The following NRG1 variants were observed in gnomAD, a reference collection of about 807,000 sequenced individuals.
NRG1 encodes the protein neuregulin 1, also known as pro-neuregulin-1, membrane-bound isoform.
In NRG1, 18 loss-of-function variants were observed where a neutral mutation model predicts 63.8. That is an observed-to-expected ratio of 0.28 (90% confidence interval 0.19 to 0.42). NRG1 has a LOEUF of 0.42. NRG1 is among the 10% of genes least tolerant of loss of function. NRG1 has a pLI of 1.00. For missense variants in NRG1, 762 were observed against 814.7 expected (o/e 0.94, Z 0.79); for synonymous variants, 302 against 301.3 (o/e 1.00, Z -0.02).
intron 1 of NRG1, among the ~76,000 whole-genome samples, chr8:32,362,310 C>A (rs983600471): frequency 1.3e-5 from 2 of 152,130 alleles, no homozygotes; most frequent in Non-Finnish European, 2.9e-5. Flanking sequence ...ATACTAAATA[C>A]CACCTAGTAA....
chr8:32,575,355 A>T (rs1000962377), intron 1 of NRG1, among the ~76,000 whole-genome samples: 2 of 151,218 alleles, frequency 1.3e-5, no homozygotes, highest in Non-Finnish European at 2.9e-5. Context: ...GTTGCTTTAT[A>T]GTTGACTAAT....
At chr8:32,412,046 AG>A (rs1815039195) in intron 1 of NRG1, among the ~76,000 whole-genome samples, 1 of 152,106 alleles carries the variant, frequency 6.6e-6, no homozygotes, top group Non-Finnish European at 1.5e-5. Flanking sequence ...TGGTAGATTG[AG>A]AAAAGCAGAT....
intron 1 of NRG1, among the ~76,000 whole-genome samples, chr8:32,401,032 A>G (rs1047414383): frequency 2.6e-5 from 4 of 152,212 alleles, no homozygotes; most frequent in Non-Finnish European, 5.9e-5. Context: ...TAAGCGGACT[A>G]ACACAGGAAC....
At chr8:31,851,612 TTTA>T (rs1396320395) in intron 1 of NRG1, among the ~76,000 whole-genome samples, 2 of 152,028 alleles carry the variant, frequency 1.3e-5, no homozygotes, top group African/African-American at 4.8e-5. Flanking sequence ...AATTAATTAA[TTTA>T]TTATTATTAT....
chr8:32,356,027 G>C, intron 1 of NRG1, among the ~76,000 whole-genome samples: 1 of 152,114 alleles, frequency 6.6e-6, no homozygotes, highest in African/African-American at 2.4e-5. Context: ...TTGGGGTTTT[G>C]AAAGTAGACC....
intron 1 of NRG1, among the ~76,000 whole-genome samples, chr8:31,925,318 A>G (rs1378814818): frequency 6.6e-6 from 1 of 151,252 alleles, no homozygotes; most frequent in Non-Finnish European, 1.5e-5. Context: ...TGGTGTAATG[A>G]CCCTTTTATC....
intron 1 of NRG1, among the ~76,000 whole-genome samples, chr8:32,284,561 C>T (rs1209391510): frequency 3.5e-5 from 5 of 142,790 alleles, no homozygotes; most frequent in African/African-American, 7.8e-5. Flanking sequence ...CACAGAATCT[C>T]GCTCTGTCAC....
At chr8:31,741,172 A>G (rs903945153) in intron 1 of NRG1, among the ~76,000 whole-genome samples, 3 of 152,036 alleles carry the variant, frequency 2.0e-5, no homozygotes, top group Admixed American at 2.0e-4. Context: ...AACACTGGCT[A>G]TTCATGGACA....
chr8:32,340,714 A>G (rs1803965609), intron 1 of NRG1, among the ~76,000 whole-genome samples: 1 of 152,292 alleles, frequency 6.6e-6, no homozygotes, highest in South Asian at 2.1e-4. Context: ...AGAACTTTCA[A>G]GGTCACTCAC....
rs561686024 is a variant in NRG1 at position 32,197,978 on chromosome 8, G to A, written c.38-397850G>A. On this transcript the variant is annotated intron_variant, in intron 1 of 10. Coordinates refer to the NRG1 transcript ENST00000519301. ...CATGTGCACACACACGCATGCACGCGCACACACACACACACACACCATCCA... is the reference window on the plus strand; with the variant it reads ...CATGTGCACACACACGCATGCACGCACACACACACACACACACACCATCCA... Among the ~76,000 whole-genome samples the A allele has an allele frequency of 1.0e-3, 157 of 151,316 alleles. 2 individuals are homozygous for A. Among genetic ancestry groups the A allele is most frequent in the East Asian group, 7.4e-3 (38 of 5,112 alleles).
intron 1 of NRG1, among the ~76,000 whole-genome samples, chr8:32,485,573 A>G (rs1202498555): frequency 6.6e-6 from 1 of 152,218 alleles, no homozygotes; most frequent in East Asian, 1.9e-4. Context: ...GTAGCTGCAA[A>G]GCAGACACTC....
At chr8:32,337,673 A>AAAAAAAAAAAAAAAAAAAAAC (rs1803475935) in intron 1 of NRG1, among the ~76,000 whole-genome samples, 1 of 131,552 alleles carries the variant, frequency 7.6e-6, no homozygotes, top group Non-Finnish European at 1.7e-5. Flanking sequence ...AAAAAAAAAA[A>AAAAAAAAAAAAAAAAAAAAAC]AAAAAAAAAG....
chr8:32,520,979 A>C (rs1350968150), intron 1 of NRG1, among the ~76,000 whole-genome samples: 1 of 152,214 alleles, frequency 6.6e-6, no homozygotes, highest in African/African-American at 2.4e-5. Flanking sequence ...CCCTTCATGT[A>C]ATCATAGCCC....
At chr8:31,973,228 G>C (rs1807593967) in intron 1 of NRG1, among the ~76,000 whole-genome samples, 1 of 152,142 alleles carries the variant, frequency 6.6e-6, no homozygotes, top group Non-Finnish European at 1.5e-5. Flanking sequence ...CAAGCATACT[G>C]TGGATATACA....
intron 1 of NRG1, among the ~76,000 whole-genome samples, chr8:31,927,662 A>T (rs1395284329): frequency 6.7e-6 from 1 of 148,504 alleles, no homozygotes; most frequent in South Asian, 2.1e-4. Flanking sequence ...TTTAGCCGGG[A>T]TGGTCTCGAT....
intron 1 of NRG1, among the ~76,000 whole-genome samples, chr8:32,497,201 C>T (rs1021055570): frequency 1.3e-5 from 2 of 152,056 alleles, no homozygotes; most frequent in Non-Finnish European, 2.9e-5. Flanking sequence ...AATCCCAGAA[C>T]TTTGGGAGGC....
chr8:32,202,347 A>G (rs1296200059), intron 1 of NRG1, among the ~76,000 whole-genome samples: 1 of 152,152 alleles, frequency 6.6e-6, no homozygotes, highest in African/African-American at 2.4e-5. Flanking sequence ...ATTTGGCCTC[A>G]GTGCTCAAAC....
intron 1 of NRG1, among the ~76,000 whole-genome samples, chr8:31,683,515 G>A (rs751188462): frequency 6.6e-6 from 1 of 152,158 alleles, no homozygotes; most frequent in Non-Finnish European, 1.5e-5. Flanking sequence ...CTATGGAGTC[G>A]TTAAATAGAT....
intron 1 of NRG1, among the ~76,000 whole-genome samples, chr8:32,005,631 G>A (rs959264268): frequency 1.3e-5 from 2 of 151,838 alleles, no homozygotes; most frequent in East Asian, 3.9e-4. Flanking sequence ...TATTTCAGAG[G>A]CAATTGGTGT....
Sources: allele counts gnomAD v4.1 joint callset (sites outside exome capture counted in the v4.1 genomes callset), GRCh38; gene constraint gnomAD v4.1.1; transcripts MANE v1.5; gene names NCBI Gene and HGNC (gene_info 2026-07-23, HGNC 2026-07-21).